KDM6A: variants seen among roughly 807,000 people sequenced by gnomAD.
KDM6A encodes lysine demethylase 6A.
A neutral mutation model predicts 117.6 loss-of-function variants in KDM6A; 11 were observed. That is an observed-to-expected ratio of 0.09 (90% confidence interval 0.06 to 0.15). KDM6A has a LOEUF of 0.15. KDM6A is among the 10% of genes least tolerant of loss of function. KDM6A has a pLI of 1.00. For missense variants in KDM6A, 799 were observed against 1,077.3 expected (o/e 0.74, Z 3.62); for synonymous variants, 384 against 396.1 (o/e 0.97, Z 0.36).
chrX:45,067,304 C>G (rs1339941686), intron 17 of KDM6A, among the ~76,000 whole-genome samples: 1 of 111,642 alleles, frequency 9.0e-6, no homozygotes, highest in Non-Finnish European at 1.9e-5. Context: ...AGCAAGTACT[C>G]TAAAGAATTT....
intron 4 of KDM6A, among the ~76,000 whole-genome samples, chrX:45,006,384 C>A (rs2041489274): frequency 1.8e-5 from 2 of 109,860 alleles, no homozygotes; most frequent in South Asian, 7.9e-4. Context: ...ATAAAATTTT[C>A]TTTTTAATTC....
At chrX:44,898,263 C>G (rs889670517) in intron 2 of KDM6A, among the ~76,000 whole-genome samples, 2 of 111,902 alleles carry the variant, frequency 1.8e-5, no homozygotes, top group African/African-American at 6.5e-5. Flanking sequence ...GGAAGCTCAG[C>G]CCCCTCTGGG....
At chrX:44,873,881 C>G (rs2146447246) in intron 1 of KDM6A, 43 bp from the exon 2 acceptor site, 1 of 1,188,174 alleles carries the variant, frequency 8.4e-7, no homozygotes, top group Non-Finnish European at 1.1e-6. Context: ...GGGTCGGTGG[C>G]GTTCCCTGAG....
chrX:45,060,489 T>C, intron 13 of KDM6A, 120 bp from the exon 14 acceptor site: 1 of 573,836 alleles, frequency 1.7e-6, no homozygotes, highest in Non-Finnish European at 2.5e-6. Flanking sequence ...TTTTCAATCA[T>C]TGCAATCAGC....
In KDM6A at chrX:45,020,707, A is replaced by G; in HGVS notation, c.541A>G (p.Thr181Ala). 8.3e-7 allele frequency: 1 copy of G among 1,210,097 alleles called. No individual in the cohort carries two copies. Among genetic ancestry groups the G allele is most frequent in the Non-Finnish European group, 1.1e-6 (1 of 893,905 alleles). The change falls in exon 6 of 30, where the codon ACA becomes GCA. Residue 181 changes from threonine (T) to alanine (A), a missense_variant. Coordinates refer to ENST00000611820, the MANE Select transcript of KDM6A (RefSeq NM_001291415.2). ...ACTTGGGCTTATGTTCAAAGTGAAC[A>G]CAGACTATGAGTCTAGTTTAAAGGT... ...LRLGLMFKVNTDYESSLKHFQ... is the reference protein window; with the variant it reads ...LRLGLMFKVNADYESSLKHFQ...
intron 27 of KDM6A, among the ~76,000 whole-genome samples, chrX:45,093,336 C>A (rs780887398): frequency 2.8e-5 from 3 of 106,512 alleles, no homozygotes; most frequent in African/African-American, 1.0e-4. Context: ...GATGGTGCCA[C>A]TTCACTCCAG....
chrX:45,039,054 C>T (rs990132697), intron 8 of KDM6A, among the ~76,000 whole-genome samples: 8 of 111,248 alleles, frequency 7.2e-5, no homozygotes, highest in African/African-American at 2.3e-4. Context: ...AGGATGTAAT[C>T]AGACAGTTTG....
chrX:44,935,353 T>G (rs1366546312), intron 2 of KDM6A, among the ~76,000 whole-genome samples: 1 of 111,001 alleles, frequency 9.0e-6, no homozygotes, highest in Non-Finnish European at 1.9e-5. Flanking sequence ...TACACAGTTA[T>G]AAATAGAATA....
Position 44,873,417 on chromosome X carries a change from C to A in KDM6A, c.-135C>A. The A allele has an allele frequency of 1.1e-6, 1 of 942,348 alleles. No individual in the cohort carries two copies. Among genetic ancestry groups the A allele is most frequent in the Non-Finnish European group, 1.5e-6 (1 of 688,428 alleles). The allele number at this position is 942,348 out of a possible 1,213,427, so 77.7% of individuals were successfully genotyped here. A position where few individuals can be genotyped will look rare whatever the true frequency, so the allele number is the denominator to read the frequency against. ...CCGCCGCCGCGTTGGGATTTTTCGT[C>A]GCCGCCGCCCGCGGCGGAGGAGGAG... On this transcript the variant is annotated 5_prime_UTR_variant, in exon 1 of 30. Coordinates refer to ENST00000611820, the MANE Select transcript of KDM6A (RefSeq NM_001291415.2).
At chrX:45,111,338 A>T (rs1329302432) in intron 29 of KDM6A, 44 bp from the exon 30 acceptor site, 1 of 1,071,559 alleles carries the variant, frequency 9.3e-7, no homozygotes, top group Non-Finnish European at 1.3e-6. Flanking sequence ...ATGAGCTATT[A>T]ACAATTTGTA....
chrX:44,942,630 C>G (rs1341138545), intron 2 of KDM6A, among the ~76,000 whole-genome samples: 1 of 108,743 alleles, frequency 9.2e-6, no homozygotes, highest in Non-Finnish European at 1.9e-5. Context: ...ACAAAAAAGG[C>G]TCACTGAGAT....
intron 4 of KDM6A, among the ~76,000 whole-genome samples, chrX:44,997,519 C>T (rs2040921122): frequency 9.0e-6 from 1 of 111,698 alleles, no homozygotes; most frequent in South Asian, 3.7e-4. Context: ...TCTGTCTCTG[C>T]CTTGCTAGGG....
intron 2 of KDM6A, among the ~76,000 whole-genome samples, chrX:44,876,777 T>TA (rs903165564): frequency 8.2e-5 from 9 of 110,291 alleles, no homozygotes; most frequent in African/African-American, 2.3e-4. Context: ...ATTTGTATGT[T>TA]AAAAAAAACT....
At chrX:45,083,356 C>A in intron 23 of KDM6A, 104 bp from the exon 24 acceptor site, 1 of 775,164 alleles carries the variant, frequency 1.3e-6, no homozygotes, top group Admixed American at 2.7e-5. Flanking sequence ...TATTTATAGA[C>A]TTAATTGTTT....
chrX:45,110,699 G>A (rs1297346247), intron 29 of KDM6A, among the ~76,000 whole-genome samples: 1 of 111,954 alleles, frequency 8.9e-6, no homozygotes, highest in Non-Finnish European at 1.9e-5. Flanking sequence ...CCTCATGGGA[G>A]TATTTAATGG....
rs201202414 is a variant in KDM6A, at chrX:45,041,806, G to A, written c.654+4117G>A. 2.8e-4 allele frequency among the ~76,000 whole-genome samples: 31 copies of A among 110,565 alleles called. 1 individual carries two copies. In the East Asian group the frequency reaches 3.6e-3, roughly 13 times the overall value. On this transcript the variant is annotated intron_variant, in intron 8 of 29. Coordinates refer to ENST00000611820, the MANE Select transcript of KDM6A (RefSeq NM_001291415.2). ...CAGAGAGGCTCCTCATATCCCAGAC[G>A]ATGGGGGGCCAGGCAGAGACGCTCC...
chrX:45,025,123 A>T (rs1193165343), intron 6 of KDM6A, among the ~76,000 whole-genome samples: 1 of 111,642 alleles, frequency 9.0e-6, no homozygotes, highest in Non-Finnish European at 1.9e-5. Context: ...ATATCCCCTA[A>T]GGTGGGTTTG....
chrX:44,989,549 G>T (rs925055452), intron 4 of KDM6A, among the ~76,000 whole-genome samples: 1 of 110,856 alleles, frequency 9.0e-6, no homozygotes, highest in African/African-American at 3.3e-5. Flanking sequence ...GGCTCCACCC[G>T]CTCTCCCATA....
At chrX:45,025,527 A>G (rs745784542) in intron 6 of KDM6A, among the ~76,000 whole-genome samples, 1 of 107,679 alleles carries the variant, frequency 9.3e-6, no homozygotes, top group Non-Finnish European at 2.0e-5. Context: ...TTTTCAGTAT[A>G]TATTTGAAGC....
Sources: allele counts gnomAD v4.1 joint callset (sites outside exome capture counted in the v4.1 genomes callset), GRCh38; gene constraint gnomAD v4.1.1; transcripts MANE v1.5; gene names NCBI Gene and HGNC (gene_info 2026-07-23, HGNC 2026-07-21).